The following PLA2G4F variants were observed in gnomAD, a reference collection of about 807,000 sequenced individuals.
The protein encoded by PLA2G4F is phospholipase A2 group IVF, also known as cytosolic phospholipase A2 zeta.
A neutral mutation model predicts 103.1 loss-of-function variants in PLA2G4F; 105 were observed. The observed-to-expected ratio is 1.02, with a 90% CI of 0.87 to 1.20. The LOEUF is 1.20. Ranked by LOEUF, PLA2G4F falls within the 50% of genes most tolerant of loss-of-function variation. PLA2G4F has a pLI of 0.00. For synonymous variants in PLA2G4F, 468 were observed against 441.1 expected, an observed-to-expected ratio of 1.06 and a Z score of -0.76; for missense variants, 1,155 against 1,075.9, an observed-to-expected ratio of 1.07 and a Z score of -1.03.
intron 1 of PLA2G4F, among the ~76,000 whole-genome samples, chr15:42,156,062 G>A (rs114332337): frequency 0.014 from 2,156 of 152,234 alleles, 48 homozygotes; most frequent in African/African-American, 0.05. Flanking sequence ...CCGGCCGGCC[G>A]GTACCGGTCT....
intron 17 of PLA2G4F, 23 bp downstream of exon 17, chr15:42,144,427 C>G: frequency 6.2e-7 from 1 of 1,610,826 alleles, no homozygotes; most frequent in Non-Finnish European, 8.5e-7. Flanking sequence ...AGCCCCCCAT[C>G]TCCCACCCAA....
intron 18 of PLA2G4F, 57 bp from the exon 19 acceptor site, chr15:42,142,771 C>T: frequency 2.5e-6 from 4 of 1,576,374 alleles, no homozygotes; most frequent in Non-Finnish European, 3.5e-6. Flanking sequence ...ACTCCCGCCG[C>T]CCTGGACTCA....
chr15:42,153,530 G>A (rs2048980709), intron 5 of PLA2G4F, 90 bp downstream of exon 5: 3 of 1,554,472 alleles, frequency 1.9e-6, no homozygotes, highest in Non-Finnish European at 2.7e-6. Context: ...AGGCCTCCAA[G>A]GCCAGTGCAG....
chr15:42,155,271 TCA>T (rs2049004710), intron 2 of PLA2G4F, among the ~76,000 whole-genome samples: 1 of 151,490 alleles, frequency 6.6e-6, no homozygotes, highest in African/African-American at 2.4e-5. Flanking sequence ...ACACTCGCAC[TCA>T]CATGTTTACA....
In PLA2G4F at chr15:42,144,106, T is replaced by TG. The variant is rs750297279; in HGVS notation, c.2013dup (p.Met672HisfsTer35). The TG allele has an allele frequency of 6.2e-7, 1 of 1,613,790 alleles. No individual in the cohort carries two copies. The highest frequency in any genetic ancestry group is 8.5e-7 in the Non-Finnish European group (1 of 1,179,896). ...TCCACCAGGTACAGGCAGTCCCGCA[T>TG]GGGGGTGAGCTGGTTGGGGAAGGCG... On this transcript the variant is annotated frameshift_variant, in exon 18 of 20. Transcript: ENST00000397272. LOFTEE classifies it high-confidence loss of function.
At chr15:42,148,614 C>G in intron 11 of PLA2G4F, 1 of 984,902 alleles carries the variant, frequency 1.0e-6, no homozygotes, top group Non-Finnish European at 1.2e-6. Flanking sequence ...TAAATTGTCC[C>G]CCGTTGAGCA....
At chr15:42,155,636 G>A (rs762186940) in intron 1 of PLA2G4F, 47 bp from the exon 2 acceptor site, 1 of 1,574,010 alleles carries the variant, frequency 6.4e-7, no homozygotes, top group Non-Finnish European at 8.7e-7. Context: ...TGTGAGCCTG[G>A]TCCCTCGCCC....
chr15:42,148,373 A>G (rs199603476), intron 11 of PLA2G4F, among the ~76,000 whole-genome samples: 21 of 152,114 alleles, frequency 1.4e-4, no homozygotes, highest in East Asian at 7.7e-4. Context: ...TGATTCCCCA[A>G]AATCAGCTAC....
rs575239203 is a variant in PLA2G4F at position 42,141,953 on chromosome 15, C to T, written c.*31G>A. 4.1e-4 allele frequency: 647 copies of T among 1,586,968 alleles called. 12 individuals are homozygous for T. The South Asian group carries it at 6.8e-3, about 17-fold the overall frequency. On this transcript the variant is annotated 3_prime_UTR_variant, in exon 20 of 20. Coordinates refer to ENST00000397272, the MANE Select transcript of PLA2G4F (RefSeq NM_213600.4). ...CCTGACCATGAGCAGTGTGTCTCCT[C>T]TCTGTCACAGTCCTCCGCTTCCTGC...
chr15:42,147,840 T>TA (rs926599419), intron 11 of PLA2G4F, 78 bp from the exon 12 acceptor site: 1 of 1,566,302 alleles, frequency 6.4e-7, no homozygotes, highest in African/African-American at 1.4e-5. Flanking sequence ...ATGTAGGACA[T>TA]TATTCTAAGA....
rs2048823187 is a variant in PLA2G4F, at chr15:42,141,019, C to T, written c.*965G>A. ...AATGGAGAAGAGGGAGAGTGAGAAA[C>T]AAAACTTGCCAAGACCCATTGGATG... On this transcript the variant is annotated 3_prime_UTR_variant, in exon 20 of 20. Coordinates refer to ENST00000397272, the MANE Select transcript of PLA2G4F (RefSeq NM_213600.4). 1 of 339,492 alleles carries T rather than the reference C, an allele frequency of 2.9e-6. No individual in the cohort carries two copies. The highest frequency in any genetic ancestry group is 2.2e-5 in the African/African-American group (1 of 46,470). 21.0% of individuals were successfully genotyped at this position (339,492 alleles called of 1,614,324 possible).
intron 2 of PLA2G4F, among the ~76,000 whole-genome samples, chr15:42,155,023 C>G (rs186479010): frequency 6.6e-6 from 1 of 152,110 alleles, no homozygotes; most frequent in African/African-American, 2.4e-5. Context: ...TACACACACT[C>G]GTACTCAGTC....
rs367756743 is a variant in PLA2G4F at position 42,147,274 on chromosome 15, C to A, written c.1269G>T (p.Gln423His). The change falls in exon 13 of 20, where the codon CAG (glutamine) becomes CAT (histidine). Residue 423 changes from glutamine (Q) to histidine (H), a missense_variant. Gln to His is a conservative substitution (Grantham distance 24). Coordinates refer to ENST00000397272, the MANE Select transcript of PLA2G4F (RefSeq NM_213600.4). ...VALQGPIERA[Q>H]VHVCSSKMGA... ...CCATCTTACTGCTGCAGACGTGAAC[C>A]TGGGCACGCTCAATGGGGCCCTGCA... 1 of 1,611,670 alleles carries A rather than the reference C, an allele frequency of 6.2e-7. No individual in the cohort carries two copies. Among genetic ancestry groups the A allele is most frequent in the Non-Finnish European group, 8.5e-7 (1 of 1,179,970 alleles).
Position 42,142,694 on chromosome 15 carries a change from C to T in PLA2G4F, c.2163G>A (p.Lys721=). ...APFEVLKMTE[K]YCLDRGIPFP... is the part of the protein sequence containing the mutation. ...AGGGGATTCCTCGGTCCAGGCAGTA[C>T]TTCTCTGTCATCTTCAAGACCTGAG... Residue 721 remains lysine (K), a synonymous_variant, in exon 19 of 20, where the codon AAG becomes AAA. Coordinates refer to ENST00000397272, the MANE Select transcript of PLA2G4F (RefSeq NM_213600.4). The T allele has an allele frequency of 6.2e-7, 1 of 1,614,114 alleles. No individual in the cohort carries two copies. Among genetic ancestry groups the T allele is most frequent in the Non-Finnish European group, 8.5e-7 (1 of 1,180,024 alleles).
At chr15:42,147,027 G>GT (rs2048895072) in intron 13 of PLA2G4F, 97 bp downstream of exon 13, 1 of 1,230,754 alleles carries the variant, frequency 8.1e-7, no homozygotes, top group East Asian at 2.5e-5. Context: ...GAACAGCTTT[G>GT]TAAATCAGAT....
chr15:42,146,722 C>A (rs757454348), intron 13 of PLA2G4F: 3 of 225,452 alleles, frequency 1.3e-5, no homozygotes, highest in Admixed American at 5.2e-5. Context: ...AGCAGCCAGG[C>A]GGAGTGAGTT....
rs2048863854 is a variant in PLA2G4F, at chr15:42,144,723, C to T, written c.1781-79G>A. 2.9e-6 allele frequency: 4 copies of T among 1,374,914 alleles called. No homozygotes were observed. The South Asian group carries it at 6.0e-5, about 21-fold the overall frequency. 85.2% of individuals were successfully genotyped at this position (1,374,914 alleles called of 1,614,324 possible). On this transcript the variant is annotated intron_variant, in intron 16 of 19. Transcript: ENST00000397272. The stretch of plus-strand genomic sequence containing the variant: ...CAGTGGTCCTTATAGTTCAGGGGTG[C>T]CCCTCCCCAACAGTGAGCCCTCCCC...
intron 16 of PLA2G4F, 44 bp from the exon 17 acceptor site, chr15:42,144,688 C>T: frequency 6.6e-7 from 1 of 1,506,384 alleles, no homozygotes; most frequent in South Asian, 1.3e-5. Context: ...AAGTGGCATC[C>T]TCCTTTGCCC....
At chr15:42,150,285 G>C in intron 9 of PLA2G4F, 88 bp downstream of exon 9, 1 of 1,531,856 alleles carries the variant, frequency 6.5e-7, no homozygotes, top group Non-Finnish European at 8.9e-7. Flanking sequence ...ACCTGATCCA[G>C]CCACCCTCTT....
Sources: gnomAD v4.1 joint callset for allele counts (sites outside exome capture counted in the v4.1 genomes callset) on GRCh38, gnomAD v4.1.1 for gene constraint, MANE v1.5 for transcripts, NCBI Gene and HGNC (gene_info 2026-07-23, HGNC 2026-07-21) for gene names.